SLC12A2: variants seen among roughly 807,000 people sequenced by gnomAD.
The protein encoded by SLC12A2 is solute carrier family 12 member 2, also known as Na-K-2Cl cotransporter 1.
SLC12A2 carries 67 observed loss-of-function variants against 136.3 expected under a neutral mutation model. The observed-to-expected ratio is 0.49, with a 90% CI of 0.40 to 0.60. The LOEUF (loss-of-function observed/expected upper bound fraction) is 0.60, where lower values mean the gene tolerates loss of function less well. Among genes scored for constraint, SLC12A2 ranks in the 20% least tolerant of loss-of-function variants. The pLI, the probability that SLC12A2 is intolerant of heterozygous loss-of-function variation, is 0.00. For synonymous variants in SLC12A2, 619 were observed against 562.9 expected (o/e 1.10, Z -1.41); for missense variants, 1,322 against 1,534.7 (o/e 0.86, Z 2.32).
Position 128,189,382 on chromosome 5 carries a change from A to T in SLC12A2, c.*2751A>T, listed in dbSNP as rs1027744554. The T allele has an allele frequency of 2.0e-5, 3 of 152,192 alleles. No individual in the cohort carries two copies. Among genetic ancestry groups the T allele is most frequent in the African/African-American group, 7.2e-5 (3 of 41,460 alleles). The allele number at this position is 152,192 out of a possible 1,614,324, so 9.4% of individuals were successfully genotyped here. A position where few individuals can be genotyped will look rare whatever the true frequency, so the allele number is the denominator to read the frequency against. On this transcript the variant is annotated 3_prime_UTR_variant, in exon 27 of 27. Transcript: ENST00000262461. ...TGGTGGTGTTGAGCTGATTATTAAC[A>T]GTTACTGAAATCAAATATTTATTTG...
At chr5:128,131,435 G>A (rs570289653) in intron 5 of SLC12A2, among the ~76,000 whole-genome samples, 44 of 151,834 alleles carry the variant, frequency 2.9e-4, no homozygotes, top group African/African-American at 9.7e-4. Context: ...AGGCCGAGGC[G>A]AGCGGATCAC....
chr5:128,120,480 C>A (rs1250104690), intron 4 of SLC12A2, among the ~76,000 whole-genome samples: 1 of 151,696 alleles, frequency 6.6e-6, no homozygotes, highest in Admixed American at 6.6e-5. Context: ...CAATGATAGA[C>A]TGGATTAAGA....
chr5:128,084,834 T>C lies in SLC12A2; in HGVS notation c.756+124T>C, dbSNP rs1019955534. 4.6e-6 allele frequency: 5 copies of C among 1,090,864 alleles called. No individual in the cohort carries two copies. Among genetic ancestry groups the C allele is most frequent in the Non-Finnish European group, 5.1e-6 (4 of 784,346 alleles). 67.6% of individuals were successfully genotyped at this position (1,090,864 alleles called of 1,614,324 possible). A position where few individuals can be genotyped will look rare whatever the true frequency, so the allele number is the denominator to read the frequency against. ...TAGACGTGCACGACTTGCTGGCATC[T>C]CTGGATTCAGCTGTCAAGGGTGGAA... On this transcript the variant is annotated intron_variant, in intron 1 of 26. Coordinates refer to ENST00000262461, the MANE Select transcript of SLC12A2 (RefSeq NM_001046.3). The surrounding 1 kb of genome is among the most constrained non-coding windows in gnomAD (Gnocchi z 5.6).
intron 1 of SLC12A2, among the ~76,000 whole-genome samples, chr5:128,109,128 GATTA>G (rs1232259358): frequency 6.6e-6 from 1 of 152,178 alleles, no homozygotes; most frequent in African/African-American, 2.4e-5. Context: ...AAAACATGAG[GATTA>G]ATTAAAAATT....
intron 19 of SLC12A2, 85 bp downstream of exon 19, chr5:128,171,831 T>A: frequency 1.3e-6 from 1 of 784,118 alleles, no homozygotes; most frequent in East Asian, 2.5e-5. Flanking sequence ...ACTGGGCTCT[T>A]CGTTACTTTT....
At chr5:128,090,041 C>T (rs1034534425) in intron 1 of SLC12A2, among the ~76,000 whole-genome samples, 1 of 152,246 alleles carries the variant, frequency 6.6e-6, no homozygotes, top group East Asian at 1.9e-4. Flanking sequence ...CACAGTTTTG[C>T]CAGGGGCTTT....
intron 18 of SLC12A2, chr5:128,168,069 C>A: frequency 2.3e-6 from 1 of 439,622 alleles, no homozygotes. Flanking sequence ...TCTTTACATA[C>A]ATGCATATAT....
intron 7 of SLC12A2, among the ~76,000 whole-genome samples, chr5:128,138,300 A>T (rs1762249778): frequency 6.6e-6 from 1 of 152,054 alleles, no homozygotes; most frequent in Non-Finnish European, 1.5e-5. Flanking sequence ...GGGATTATCC[A>T]CATTTTGATT....
At chr5:128,128,419 A>G (rs2126693200) in intron 4 of SLC12A2, among the ~76,000 whole-genome samples, 1 of 152,254 alleles carries the variant, frequency 6.6e-6, no homozygotes, top group East Asian at 1.9e-4. Context: ...ACCAATTATG[A>G]GACCCCATCA....
chr5:128,102,593 C>T (rs200803040), intron 1 of SLC12A2, among the ~76,000 whole-genome samples: 16 of 49,008 alleles, frequency 3.3e-4, no homozygotes, highest in African/African-American at 7.9e-4. Context: ...CCCCCCCCCC[C>T]GCCTTTTTTT....
At chr5:128,167,459 A>G (rs773196286) in intron 17 of SLC12A2, among the ~76,000 whole-genome samples, 2 of 152,098 alleles carry the variant, frequency 1.3e-5, no homozygotes, top group African/African-American at 4.8e-5. Context: ...TAAAAAGATT[A>G]TATTCTCTTT....
At chr5:128,103,195 A>G (rs145591449) in intron 1 of SLC12A2, among the ~76,000 whole-genome samples, 1 of 152,330 alleles carries the variant, frequency 6.6e-6, no homozygotes, top group Non-Finnish European at 1.5e-5. Context: ...TTAACAGTTT[A>G]TATTCTCACC....
chr5:128,182,780 C>A, intron 23 of SLC12A2, 75 bp from the exon 24 acceptor site: 1 of 987,662 alleles, frequency 1.0e-6, no homozygotes. Context: ...ATAAATCATG[C>A]TTTTTAGATA....
At chr5:128,136,014 A>G (rs1762180780) in intron 7 of SLC12A2, among the ~76,000 whole-genome samples, 1 of 152,108 alleles carries the variant, frequency 6.6e-6, no homozygotes, top group Non-Finnish European at 1.5e-5. Context: ...TTTCATTATT[A>G]GCAACAAAAG....
chr5:128,126,941 C>CATATATATATATATATATATATATAT (rs1243756791), intron 4 of SLC12A2, among the ~76,000 whole-genome samples: 2 of 41,004 alleles, frequency 4.9e-5, no homozygotes, highest in African/African-American at 2.1e-4. Flanking sequence ...TCACAACCTA[C>CATATATATATATATATATATATATAT]ATATATATAT....
chr5:128,102,993 T>TAAGG (rs1760800705), intron 1 of SLC12A2, among the ~76,000 whole-genome samples: 1 of 152,156 alleles, frequency 6.6e-6, no homozygotes, highest in South Asian at 2.1e-4. Context: ...ATTCTGCAGT[T>TAAGG]AAGGATGTTT....
At chr5:128,178,506 T>A in intron 21 of SLC12A2, 61 bp from the exon 22 acceptor site, 1 of 1,274,146 alleles carries the variant, frequency 7.8e-7, no homozygotes. Flanking sequence ...TGATAGGAAT[T>A]CAGCAAAAGG....
chr5:128,189,236 A>AT lies in SLC12A2; in HGVS notation c.*2612dup, dbSNP rs985780025. 49 of 152,206 alleles carry AT rather than the reference A, an allele frequency of 3.2e-4. No homozygotes were observed. Among genetic ancestry groups the AT allele is most frequent in the African/African-American group, 1.1e-3 (47 of 41,536 alleles). 9.4% of individuals were successfully genotyped at this position (152,206 alleles called of 1,614,324 possible). A position where few individuals can be genotyped will look rare whatever the true frequency, so the allele number is the denominator to read the frequency against. ...ATAGCTTTATTTATGCTGAATTGTG[A>AT]TTTTTTTATGCCAAATTTTTTTTAG... On this transcript the variant is annotated 3_prime_UTR_variant, in exon 27 of 27. Coordinates refer to ENST00000262461, the MANE Select transcript of SLC12A2 (RefSeq NM_001046.3).
At chr5:128,138,749 A>G (rs778088054) in intron 8 of SLC12A2, 25 bp downstream of exon 8, 149 of 1,603,594 alleles carry the variant, frequency 9.3e-5, no homozygotes, top group Non-Finnish European at 1.2e-4. Context: ...GTGCTATATC[A>G]ATTATATATT....
Sources: gnomAD v4.1 joint callset for allele counts (sites outside exome capture counted in the v4.1 genomes callset) on GRCh38, gnomAD v4.1.1 for gene constraint, Gnocchi (gnomAD v3.1) non-coding constraint, MANE v1.5 for transcripts, NCBI Gene and HGNC (gene_info 2026-07-23, HGNC 2026-07-21) for gene names.